The following OXSR1 variants were observed in gnomAD, a reference collection of about 807,000 sequenced individuals.
The protein encoded by OXSR1 is serine/threonine-protein kinase OSR1.
A neutral mutation model predicts 79.8 loss-of-function variants in OXSR1; 24 were observed. The ratio of observed to expected loss-of-function variants is 0.30; its 90% CI spans 0.22 to 0.42. The LOEUF (loss-of-function observed/expected upper bound fraction) is 0.42, where lower values mean the gene tolerates loss of function less well. OXSR1 is among the 10% of genes least tolerant of loss of function. The pLI is 1.00. For synonymous variants in OXSR1, 226 were observed against 209.2 expected (o/e 1.08, Z -0.69); for missense variants, 430 against 618.4 (o/e 0.70, Z 3.23).
Position 38,224,722 on chromosome 3 carries a change from G to GT in OXSR1, c.836+19dup, listed in dbSNP as rs1233840286. 6.7e-7 allele frequency: 1 copy of GT among 1,498,418 alleles called. No individual in the cohort carries two copies. The highest frequency in any genetic ancestry group is 2.3e-5 in the East Asian group (1 of 43,078). 92.8% of individuals were successfully genotyped at this position (1,498,418 alleles called of 1,614,324 possible). On this transcript the variant is annotated intron_variant, in intron 8 of 17. Transcript: ENST00000311806. The stretch of plus-strand genomic sequence containing the variant: ...GAAAAAAGGTAAAATATGAGAAAAA[G>GT]TCTACTTTTCTCTCTAATAAAACAT...
At chr3:38,192,292 A>G (rs1701998705) in intron 3 of OXSR1, among the ~76,000 whole-genome samples, 3 of 152,216 alleles carry the variant, frequency 2.0e-5, no homozygotes, top group South Asian at 2.1e-4. Context: ...CCTTAACTTT[A>G]TAATTCAAGA....
intron 8 of OXSR1, 63 bp from the exon 9 acceptor site, chr3:38,229,624 G>A (rs1702764088): frequency 2.9e-6 from 4 of 1,375,174 alleles, no homozygotes; most frequent in East Asian, 2.3e-5. Flanking sequence ...TTTTGATGAT[G>A]GAATCTGACA....
chr3:38,246,657 A>G (rs965891526), intron 13 of OXSR1, among the ~76,000 whole-genome samples: 2 of 151,928 alleles, frequency 1.3e-5, no homozygotes, highest in East Asian at 1.9e-4. Context: ...TTATTTGTCA[A>G]TTTTGTGAGG....
intron 16 of OXSR1, 120 bp downstream of exon 16, chr3:38,251,591 T>G (rs1292153952): frequency 2.6e-6 from 2 of 759,534 alleles, no homozygotes; most frequent in Non-Finnish European, 4.6e-6. Flanking sequence ...GGTTCTTGGC[T>G]TTCCTGAAAT....
Position 38,193,480 on chromosome 3 carries a change from G to A in OXSR1, c.292+2641G>A, listed in dbSNP as rs756191058. The A allele has an allele frequency of 1.3e-4, 138 of 1,051,586 alleles. 2 individuals carry two copies. Among genetic ancestry groups the A allele is most frequent in the South Asian group, 1.2e-3 (92 of 74,450 alleles). 65.1% of individuals were successfully genotyped at this position (1,051,586 alleles called of 1,614,324 possible). ...ATAATTTTCTTTATTTGTAATTTAC[G>A]AGAATATGTAATACAACATTTTTAA... On this transcript the variant is annotated intron_variant, in intron 3 of 17. Coordinates refer to ENST00000311806, the MANE Select transcript of OXSR1 (RefSeq NM_005109.3).
At chr3:38,222,289 C>G (rs1366775704) in intron 6 of OXSR1, among the ~76,000 whole-genome samples, 2 of 152,142 alleles carry the variant, frequency 1.3e-5, no homozygotes, top group African/African-American at 4.8e-5. Context: ...CAGAGTTGCA[C>G]TGAGTAACAG....
At chr3:38,247,022 T>G (rs1703155812) in intron 13 of OXSR1, among the ~76,000 whole-genome samples, 1 of 152,076 alleles carries the variant, frequency 6.6e-6, no homozygotes, top group South Asian at 2.1e-4. Flanking sequence ...TGGAGATCAC[T>G]GCTTTGAGCA....
At chr3:38,179,112 C>T (rs1045808368) in intron 1 of OXSR1, among the ~76,000 whole-genome samples, 1 of 150,798 alleles carries the variant, frequency 6.6e-6, no homozygotes, top group Non-Finnish European at 1.5e-5. Flanking sequence ...CTCACTGCAG[C>T]CTCAACCTCC....
At position 38,183,306 on chromosome 3, in the gene OXSR1, C is replaced by G. The variant is rs532212852; in HGVS notation, c.183+191C>G. Among the ~76,000 whole-genome samples, 27 of 152,238 alleles carry G rather than the reference C, an allele frequency of 1.8e-4. No homozygotes were observed. The South Asian group carries it at 5.6e-3, about 32-fold the overall frequency. On this transcript the variant is annotated intron_variant, in intron 2 of 17. Transcript: ENST00000311806. ...AAAAATTAGTTATAATATTCTTACT[C>G]TGAGACTAACATTTAATATGTAACC... is the stretch of plus-strand genomic sequence containing the variant.
chr3:38,219,051 G>A (rs1484186688), intron 5 of OXSR1, among the ~76,000 whole-genome samples: 1 of 152,080 alleles, frequency 6.6e-6, no homozygotes, highest in Non-Finnish European at 1.5e-5. Flanking sequence ...TAAAACGAAA[G>A]GCAAATGGCA....
intron 3 of OXSR1, among the ~76,000 whole-genome samples, chr3:38,194,405 A>G (rs1702036936): frequency 6.6e-6 from 1 of 152,176 alleles, no homozygotes; most frequent in Non-Finnish European, 1.5e-5. Context: ...TAAAACAATT[A>G]GCTAAGCTCG....
At chr3:38,225,363 C>T (rs958982401) in intron 8 of OXSR1, among the ~76,000 whole-genome samples, 55 of 152,242 alleles carry the variant, frequency 3.6e-4, no homozygotes, top group African/African-American at 1.3e-3. Context: ...TGAATCTTAT[C>T]TGTCTGTTTC....
At position 38,183,400 on chromosome 3, in the gene OXSR1, T is replaced by G. The variant is rs143074995; in HGVS notation, c.183+285T>G. On this transcript the variant is annotated intron_variant, in intron 2 of 17. Transcript: ENST00000311806. Reference sequence around the variant, plus strand: ...GTAGTCAGATTCTTGCTCTTTTCATTTAATAATTTATCATAGAACTTTTTC... The same window carrying G: ...GTAGTCAGATTCTTGCTCTTTTCATGTAATAATTTATCATAGAACTTTTTC... Among the ~76,000 whole-genome samples, 21 of 152,368 alleles carry G rather than the reference T, an allele frequency of 1.4e-4. No individual in the cohort carries two copies. In the East Asian group the frequency reaches 4.0e-3, roughly 29 times the overall value.
chr3:38,209,991 C>T (rs1164715341), intron 4 of OXSR1, among the ~76,000 whole-genome samples: 1 of 151,866 alleles, frequency 6.6e-6, no homozygotes, highest in South Asian at 2.1e-4. Context: ...TTTTATTTGT[C>T]TGAGAGAAGT....
chr3:38,227,789 C>G (rs150731388), intron 8 of OXSR1, among the ~76,000 whole-genome samples: 10 of 152,048 alleles, frequency 6.6e-5, no homozygotes, highest in Admixed American at 2.6e-4. Flanking sequence ...CTACTGGACA[C>G]GAAGCAAAGA....
intron 15 of OXSR1, among the ~76,000 whole-genome samples, chr3:38,250,503 C>T (rs1703234254): frequency 6.6e-6 from 1 of 152,176 alleles, no homozygotes; most frequent in African/African-American, 2.4e-5. Flanking sequence ...AGTCTCCTCT[C>T]TCCTCAGACA....
At chr3:38,229,250 C>G (rs34098802) in intron 8 of OXSR1, among the ~76,000 whole-genome samples, 3,646 of 152,130 alleles carry the variant, frequency 0.024, 63 homozygotes, top group Middle Eastern at 0.085. Context: ...TACCATGTGG[C>G]AAGAAGTGGA....
chr3:38,176,341 A>T (rs1347400739), intron 1 of OXSR1, among the ~76,000 whole-genome samples: 3 of 152,238 alleles, frequency 2.0e-5, no homozygotes, highest in African/African-American at 7.2e-5. Context: ...AATATTGGTG[A>T]ATAGTTAAAA....
Position 38,224,625 on chromosome 3 carries a change from G to A in OXSR1, c.757G>A (p.Asp253Asn), listed in dbSNP as rs745468647. The A allele has an allele frequency of 6.3e-7, 1 of 1,595,606 alleles. No homozygotes were observed. The change falls in exon 8 of 18, where the codon GAT becomes AAT. Residue 253 changes from aspartate to asparagine, a missense_variant. Around this residue, in one of 3 missense-constraint regions of OXSR1, gnomAD observed 276 missense variants for 354.2 expected, o/e 0.78. Transcript: ENST00000311806. The stretch of plus-strand genomic sequence containing the variant: ...TCCTTCTTTGGAAACTGGTGTTCAA[G>A]ATAAAGAAATGCTGAAAAAATATGG... ...DPPSLETGVQDKEMLKKYGKS... is the reference protein window; with the variant it reads ...DPPSLETGVQNKEMLKKYGKS...
Sources: gnomAD v4.1 joint callset for allele counts (sites outside exome capture counted in the v4.1 genomes callset) on GRCh38, gnomAD v4.1.1 for gene constraint, gnomAD v4.1.1 regional missense constraint, MANE v1.5 for transcripts, NCBI Gene and HGNC (gene_info 2026-07-23, HGNC 2026-07-21) for gene names.